KIAA1217: variants seen among roughly 807,000 people sequenced by gnomAD.
KIAA1217 encodes KIAA1217.
KIAA1217 carries 88 observed loss-of-function variants against 163.9 expected under a neutral mutation model. The observed-to-expected ratio is 0.54, with a 90% confidence interval of 0.45 to 0.64. The LOEUF (loss-of-function observed/expected upper bound fraction) is 0.64. Among genes scored for constraint, KIAA1217 ranks in the 30% least tolerant of loss-of-function variants. The probability of loss-of-function intolerance (pLI) is 0.00; values close to 1 mark genes in which losing one functional copy is unlikely to be tolerated. For missense variants in KIAA1217, 2,372 were observed against 2,475.0 expected, an observed-to-expected ratio of 0.96 and a Z score of 0.88; for synonymous variants, 903 against 923.1, an observed-to-expected ratio of 0.98 and a Z score of 0.39.
intron 2 of KIAA1217, among the ~76,000 whole-genome samples, chr10:24,162,711 C>A (rs1433268873): frequency 6.6e-6 from 1 of 152,216 alleles, no homozygotes; most frequent in Non-Finnish European, 1.5e-5. Context: ...TGGGAGCAGC[C>A]TAGCTGGGTG....
rs545549295 is a variant in KIAA1217 at position 24,087,165 on chromosome 10, G to T, written c.-171+79791G>T. On this transcript the variant is annotated intron_variant, in intron 2 of 18. Transcript: ENST00000376462. ...AATTAGTGAGATTTAGTTGGACTCA[G>T]AAAAAAATTTAAGACAGTAGTTTTA... is the stretch of plus-strand genomic sequence containing the variant. Among the ~76,000 whole-genome samples the T allele has an allele frequency of 2.6e-5, 4 of 152,248 alleles. No homozygotes were observed. The South Asian group carries it at 8.3e-4, about 32-fold the overall frequency.
At chr10:24,227,143 G>GATTATTATTATTATT (rs56348020) in intron 2 of KIAA1217, among the ~76,000 whole-genome samples, 64 of 148,882 alleles carry the variant, frequency 4.3e-4, no homozygotes, top group East Asian at 4.2e-3. Flanking sequence ...GATATAAAGG[G>GATTATTATTATTATT]ATTATTATTA....
chr10:24,536,942 C>T (rs1177073877), intron 17 of KIAA1217, 49 bp downstream of exon 17: 1 of 1,605,914 alleles, frequency 6.2e-7, no homozygotes, highest in Non-Finnish European at 8.5e-7. Context: ...TCCTTCCTTC[C>T]TTGCTCTGAC....
chr10:24,435,895 C>T lies in KIAA1217; in HGVS notation c.753-2491C>T, dbSNP rs142649382. On this transcript the variant is annotated intron_variant, in intron 4 of 20. Coordinates refer to ENST00000376454, the MANE Select transcript of KIAA1217 (RefSeq NM_019590.5). The stretch of plus-strand genomic sequence containing the variant: ...TTTTTTTTTGAGACAGAATTTCACT[C>T]GGTCGCCCAGGTTGGAGTGCAGTGG... Among the ~76,000 whole-genome samples the T allele has an allele frequency of 6.2e-3, 938 of 151,390 alleles. 7 individuals carry two copies. Among genetic ancestry groups the T allele is most frequent in the African/African-American group, 0.02 (843 of 41,206 alleles).
At chr10:24,529,605 C>G (rs2072794269) in intron 14 of KIAA1217, among the ~76,000 whole-genome samples, 1 of 151,968 alleles carries the variant, frequency 6.6e-6, no homozygotes, top group Non-Finnish European at 1.5e-5. Context: ...CCATTTCATC[C>G]CCTAAAGTTC....
chr10:23,837,492 G>C (rs1055435130), intron 1 of KIAA1217, among the ~76,000 whole-genome samples: 19 of 152,156 alleles, frequency 1.2e-4, no homozygotes, highest in Non-Finnish European at 2.1e-4. Flanking sequence ...ACTCAGAACT[G>C]TTTCACTATT....
At chr10:23,937,296 T>C (rs927684036) in intron 1 of KIAA1217, among the ~76,000 whole-genome samples, 1 of 152,084 alleles carries the variant, frequency 6.6e-6, no homozygotes, top group Admixed American at 6.6e-5. Context: ...GTGTTCAAAA[T>C]CCCTTGGGTT....
chr10:24,478,062 G>A (rs1407816991), intron 6 of KIAA1217, among the ~76,000 whole-genome samples: 2 of 152,220 alleles, frequency 1.3e-5, no homozygotes, highest in Non-Finnish European at 2.9e-5. Context: ...TCGAAGATGT[G>A]AAGCTGCAAA....
intron 1 of KIAA1217, among the ~76,000 whole-genome samples, chr10:23,858,175 C>A (rs1012235060): frequency 1.3e-5 from 2 of 152,044 alleles, no homozygotes; most frequent in African/African-American, 4.8e-5. Context: ...CTTCTCTGGG[C>A]TCTGACTTAA....
intron 1 of KIAA1217, among the ~76,000 whole-genome samples, chr10:23,936,470 T>C (rs914147190): frequency 6.6e-6 from 1 of 152,174 alleles, no homozygotes; most frequent in Non-Finnish European, 1.5e-5. Context: ...GAAGTCGTAG[T>C]GGATTAGCGT....
chr10:24,381,535 G>T (rs527440072), intron 3 of KIAA1217, among the ~76,000 whole-genome samples: 2 of 152,216 alleles, frequency 1.3e-5, no homozygotes, highest in Non-Finnish European at 2.9e-5. Flanking sequence ...AACTGCATGA[G>T]TGAGGGATCT....
chr10:24,227,481 A>G (rs1358081413), intron 2 of KIAA1217, among the ~76,000 whole-genome samples: 1 of 151,118 alleles, frequency 6.6e-6, no homozygotes, highest in Non-Finnish European at 1.5e-5. Flanking sequence ...TAACATGAAC[A>G]TTACAGGGGG....
At chr10:24,049,835 G>C (rs779030470) in intron 2 of KIAA1217, among the ~76,000 whole-genome samples, 2 of 152,172 alleles carry the variant, frequency 1.3e-5, no homozygotes, top group Non-Finnish European at 2.9e-5. Flanking sequence ...TAATGGGATT[G>C]CTGGGTCAAA....
intron 1 of KIAA1217, among the ~76,000 whole-genome samples, chr10:23,779,470 G>A (rs1588784387): frequency 6.6e-6 from 1 of 152,090 alleles, no homozygotes; most frequent in East Asian, 1.9e-4. Flanking sequence ...ATCACATAAA[G>A]CTCACTCAGT....
At chr10:24,273,859 A>G (rs898150997) in intron 2 of KIAA1217, among the ~76,000 whole-genome samples, 1 of 151,676 alleles carries the variant, frequency 6.6e-6, no homozygotes, top group Non-Finnish European at 1.5e-5. Flanking sequence ...TCTCAAAAAA[A>G]AAAAAAAAGT....
intron 1 of KIAA1217, among the ~76,000 whole-genome samples, chr10:23,751,054 G>A (rs1226764032): frequency 6.7e-6 from 1 of 148,816 alleles, no homozygotes; most frequent in Non-Finnish European, 1.5e-5. Context: ...TGGATACAGA[G>A]CCTTGTTCTG....
chr10:23,957,877 C>T (rs1844639246), intron 1 of KIAA1217, among the ~76,000 whole-genome samples: 1 of 152,088 alleles, frequency 6.6e-6, no homozygotes, highest in Non-Finnish European at 1.5e-5. Flanking sequence ...TTTGCAACCC[C>T]CACAAAAAAC....
At chr10:23,720,191 C>T (rs544436561) in intron 1 of KIAA1217, among the ~76,000 whole-genome samples, 1 of 151,874 alleles carries the variant, frequency 6.6e-6, no homozygotes, top group South Asian at 2.1e-4. Context: ...GTGGTTTCCA[C>T]CTCAATAAAT....
chr10:24,092,542 C>T (rs906009001), intron 2 of KIAA1217, among the ~76,000 whole-genome samples: 3 of 151,766 alleles, frequency 2.0e-5, no homozygotes, highest in South Asian at 4.1e-4. Context: ...AAATTGCAGT[C>T]TGTGTACACC....
Sources: allele counts gnomAD v4.1 joint callset (sites outside exome capture counted in the v4.1 genomes callset), GRCh38; gene constraint gnomAD v4.1.1; transcripts MANE v1.5; gene names NCBI Gene and HGNC (gene_info 2026-07-23, HGNC 2026-07-21).